Variants in SOX5 observed in about 807,000 individuals in gnomAD.
SOX5 encodes the protein SRY-box transcription factor 5.
SOX5 carries 9 observed loss-of-function variants against 92.0 expected under a neutral mutation model. That is an observed-to-expected ratio of 0.10 (90% CI 0.06 to 0.17). The LOEUF is 0.17. SOX5 is among the 10% of genes least tolerant of loss of function. The probability of loss-of-function intolerance (pLI) is 1.00; values close to 1 mark genes in which losing one functional copy is unlikely to be tolerated. For missense variants in SOX5, 642 were observed against 944.5 expected (o/e 0.68, Z 4.20); for synonymous variants, 344 against 336.3 (o/e 1.02, Z -0.25).
chr12:23,963,666 AC>A (rs148876187), intron 4 of SOX5, among the ~76,000 whole-genome samples: 3 of 152,166 alleles, frequency 2.0e-5, no homozygotes, highest in Non-Finnish European at 4.4e-5. Flanking sequence ...TGAATGAAGT[AC>A]AAAAAAATTG....
At chr12:23,692,390 T>C (rs544100972) in intron 6 of SOX5, among the ~76,000 whole-genome samples, 33 of 149,946 alleles carry the variant, frequency 2.2e-4, no homozygotes, top group African/African-American at 6.7e-4. Context: ...TGAGCTGAGA[T>C]TGCACCACTG....
intron 3 of SOX5, among the ~76,000 whole-genome samples, chr12:23,786,130 T>G (rs2141869302): frequency 6.6e-6 from 1 of 152,144 alleles, no homozygotes; most frequent in South Asian, 2.1e-4. Context: ...CTCATCCAAT[T>G]CTTTTCCTAA....
At chr12:24,263,497 CA>C (rs1240933674) in intron 3 of SOX5, among the ~76,000 whole-genome samples, 1 of 126,106 alleles carries the variant, frequency 7.9e-6, no homozygotes, top group Non-Finnish European at 1.6e-5. Context: ...CACTGCACTC[CA>C]GCCTGGGCGA....
intron 4 of SOX5, among the ~76,000 whole-genome samples, chr12:24,036,436 T>A (rs371914965): frequency 5.3e-5 from 8 of 152,198 alleles, no homozygotes; most frequent in African/African-American, 1.9e-4. Context: ...TGCGAAGGTA[T>A]ACAGGGTTGA....
chr12:23,918,942 A>G (rs923016249), intron 1 of SOX5, among the ~76,000 whole-genome samples: 3 of 152,080 alleles, frequency 2.0e-5, no homozygotes, highest in African/African-American at 7.2e-5. Context: ...AAAGAAAGAA[A>G]GAAAAATGGC....
intron 2 of SOX5, among the ~76,000 whole-genome samples, chr12:24,342,323 C>A (rs757836269): frequency 7.9e-5 from 12 of 152,220 alleles, no homozygotes; most frequent in Admixed American, 2.0e-4. Context: ...CAATTTCTCA[C>A]CAAGTCTACA....
intron 4 of SOX5, among the ~76,000 whole-genome samples, chr12:24,115,711 C>T (rs1161871502): frequency 6.6e-6 from 1 of 152,110 alleles, no homozygotes. Context: ...CAAAGAACTG[C>T]TCAAAAAGGT....
intron 4 of SOX5, among the ~76,000 whole-genome samples, chr12:23,998,911 C>T (rs1197375255): frequency 6.6e-6 from 1 of 150,828 alleles, no homozygotes; most frequent in Non-Finnish European, 1.5e-5. Context: ...AATCAAGAAG[C>T]TCAACAAACC....
chr12:24,442,160 G>T (rs781459003), intron 1 of SOX5, among the ~76,000 whole-genome samples: 23 of 152,188 alleles, frequency 1.5e-4, no homozygotes, highest in Non-Finnish European at 3.1e-4. Flanking sequence ...GAACTTCTGA[G>T]ATTTGTAAAA....
intron 4 of SOX5, among the ~76,000 whole-genome samples, chr12:24,048,519 G>T (rs565840046): frequency 6.6e-6 from 1 of 151,850 alleles, no homozygotes; most frequent in Non-Finnish European, 1.5e-5. Context: ...AATATATGTC[G>T]ACACAAAAAC....
chr12:24,264,266 T>G (rs934542166), intron 3 of SOX5, among the ~76,000 whole-genome samples: 1 of 152,314 alleles, frequency 6.6e-6, no homozygotes, highest in Non-Finnish European at 1.5e-5. Flanking sequence ...ATCAACACAT[T>G]GAGTTCTATT....
At chr12:23,618,063 A>G (rs749744971) in intron 8 of SOX5, among the ~76,000 whole-genome samples, 3 of 152,160 alleles carry the variant, frequency 2.0e-5, no homozygotes, top group Non-Finnish European at 4.4e-5. Context: ...AACACTCTGC[A>G]TCTATTCCTG....
chr12:24,249,819 G>A (rs1939662404), intron 3 of SOX5, among the ~76,000 whole-genome samples: 2 of 152,124 alleles, frequency 1.3e-5, no homozygotes, highest in South Asian at 4.1e-4. Flanking sequence ...AAATTAAATG[G>A]TCTTTTATAT....
In SOX5 at chr12:23,807,993, A is replaced by C. The variant is rs533048669; in HGVS notation, c.481+37990T>G. 1.8e-3 allele frequency among the ~76,000 whole-genome samples: 267 copies of C among 152,218 alleles called. 1 individual carries two copies. The highest frequency in any genetic ancestry group is 6.1e-3 in the African/African-American group (255 of 41,514). On this transcript the variant is annotated intron_variant, in intron 3 of 14. Coordinates refer to ENST00000451604, the MANE Select transcript of SOX5 (RefSeq NM_006940.6). The stretch of plus-strand genomic sequence containing the variant: ...GCCACCCAGTTTGTCATACTTTGTT[A>C]GAGTAGTCCTAAGAAACTAGTACAA...
At chr12:24,464,229 TACAC>T (rs1248104242) in intron 1 of SOX5, among the ~76,000 whole-genome samples, 1 of 152,168 alleles carries the variant, frequency 6.6e-6, no homozygotes, top group Non-Finnish European at 1.5e-5. Context: ...TACACTCACC[TACAC>T]ACACACAAAC....
intron 4 of SOX5, among the ~76,000 whole-genome samples, chr12:23,990,964 T>G (rs577463360): frequency 4.6e-5 from 7 of 152,132 alleles, no homozygotes; most frequent in African/African-American, 1.7e-4. Flanking sequence ...AGACTTAAAT[T>G]TAACTGTTAA....
intron 4 of SOX5, among the ~76,000 whole-genome samples, chr12:23,994,978 C>G (rs1319330855): frequency 6.6e-6 from 1 of 152,176 alleles, no homozygotes; most frequent in African/African-American, 2.4e-5. Context: ...CTATTACCTA[C>G]AGTATGTCCA....
intron 3 of SOX5, among the ~76,000 whole-genome samples, chr12:24,229,395 G>A (rs2139913964): frequency 6.7e-6 from 1 of 150,098 alleles, no homozygotes; most frequent in Non-Finnish European, 1.5e-5. Context: ...TCATAGGGCT[G>A]GGGAAACTGT....
rs552086134 is a variant in SOX5, at chr12:23,647,307, G to A, written c.932-6410C>T. 1.2e-4 allele frequency among the ~76,000 whole-genome samples: 19 copies of A among 152,274 alleles called. No individual in the cohort carries two copies. The East Asian group carries it at 1.3e-3, about 11-fold the overall frequency. On this transcript the variant is annotated intron_variant, in intron 7 of 14. Coordinates refer to ENST00000451604, the MANE Select transcript of SOX5 (RefSeq NM_006940.6). ...GGGCTTAAAATATTCAGTAAATCAC[G>A]CTGTCAATAGATGTGCTGTCATCCA...
Sources: gnomAD v4.1 joint callset for allele counts (sites outside exome capture counted in the v4.1 genomes callset) on GRCh38, gnomAD v4.1.1 for gene constraint, MANE v1.5 for transcripts, NCBI Gene and HGNC (gene_info 2026-07-23, HGNC 2026-07-21) for gene names.